GALNT17: variants seen among roughly 807,000 people sequenced by gnomAD.
GALNT17 encodes the protein UDP-GalNAc:polypeptide N-acetylgalactosaminyltransferase-like 3.
A neutral mutation model predicts 63.7 loss-of-function variants in GALNT17; 29 were observed. The ratio of observed to expected loss-of-function variants is 0.46; its 90% CI spans 0.34 to 0.62. The LOEUF (loss-of-function observed/expected upper bound fraction) is 0.62. Ranked by LOEUF, GALNT17 falls within the 20% of genes least tolerant of loss-of-function variation. The pLI, the probability that GALNT17 is intolerant of heterozygous loss-of-function variation, is 0.01. For missense variants in GALNT17, 603 were observed against 799.6 expected (o/e 0.75, Z 2.97); for synonymous variants, 305 against 318.3 (o/e 0.96, Z 0.45).
intron 9 of GALNT17, among the ~76,000 whole-genome samples, chr7:71,703,570 A>C (rs1791682414): frequency 6.6e-6 from 1 of 152,216 alleles, no homozygotes; most frequent in African/African-American, 2.4e-5. Flanking sequence ...TTTCAACATG[A>C]TATTTGGAGG....
At chr7:71,374,834 A>AATT (rs1792690996) in intron 2 of GALNT17, among the ~76,000 whole-genome samples, 1 of 109,654 alleles carries the variant, frequency 9.1e-6, no homozygotes, top group African/African-American at 3.6e-5. Context: ...CTTGAGGAGG[A>AATT]TTTTTTTTTT....
chr7:71,282,281 G>T (rs1470336624), intron 1 of GALNT17, among the ~76,000 whole-genome samples: 1 of 152,224 alleles, frequency 6.6e-6, no homozygotes, highest in East Asian at 1.9e-4. Context: ...TATTTCCAGT[G>T]CAGTTTAGCA....
In GALNT17 at chr7:71,306,408, A is replaced by G. The variant is rs749831128; in HGVS notation, c.239-29142A>G. Among the ~76,000 whole-genome samples, 12 of 151,532 alleles carry G rather than the reference A, an allele frequency of 7.9e-5. 1 individual carries two copies. Among genetic ancestry groups the G allele is most frequent in the East Asian group, 2.0e-4 (1 of 5,126 alleles). ...CAATAACTCCCCCTACCTGCTGTCA[A>G]CGCCCCCCACTATTCTTCTTTCTCT... On this transcript the variant is annotated intron_variant, in intron 1 of 10. Transcript: ENST00000333538.
chr7:71,349,196 C>A (rs1196807481), intron 2 of GALNT17, among the ~76,000 whole-genome samples: 1 of 152,214 alleles, frequency 6.6e-6, no homozygotes, highest in Admixed American at 6.5e-5. Flanking sequence ...AGTAAACATT[C>A]TCCAAGTGGC....
chr7:71,511,992 A>G (rs551485736), intron 5 of GALNT17, among the ~76,000 whole-genome samples: 1 of 148,774 alleles, frequency 6.7e-6, no homozygotes, highest in Non-Finnish European at 1.5e-5. Flanking sequence ...CCCTATGTCA[A>G]TGTACTAATT....
chr7:71,337,795 G>C (rs1791936176), intron 2 of GALNT17, among the ~76,000 whole-genome samples: 1 of 150,668 alleles, frequency 6.6e-6, no homozygotes, highest in African/African-American at 2.4e-5. Flanking sequence ...TTGAACCAGG[G>C]AGGCAGAGGT....
intron 5 of GALNT17, among the ~76,000 whole-genome samples, chr7:71,475,488 C>T (rs1282838799): frequency 1.3e-5 from 2 of 152,152 alleles, no homozygotes; most frequent in South Asian, 2.1e-4. Context: ...TTTCTGCGTC[C>T]ATAAGAATCT....
At chr7:71,391,288 C>T (rs1331316608) in intron 3 of GALNT17, among the ~76,000 whole-genome samples, 1 of 152,146 alleles carries the variant, frequency 6.6e-6, no homozygotes, top group Non-Finnish European at 1.5e-5. Context: ...GCACCCTCTC[C>T]TGAGGAAATC....
chr7:71,588,826 T>G (rs1419124578), intron 6 of GALNT17, among the ~76,000 whole-genome samples: 1 of 152,050 alleles, frequency 6.6e-6, no homozygotes, highest in Non-Finnish European at 1.5e-5. Flanking sequence ...ATTACTATTA[T>G]TGCTACAGCA....
intron 3 of GALNT17, among the ~76,000 whole-genome samples, chr7:71,399,741 G>A (rs1793207952): frequency 6.6e-6 from 1 of 152,116 alleles, no homozygotes; most frequent in Non-Finnish European, 1.5e-5. Context: ...GTCACATGAA[G>A]AGTATATGAA....
At chr7:71,667,838 C>T (rs1294279796) in intron 7 of GALNT17, among the ~76,000 whole-genome samples, 1 of 151,120 alleles carries the variant, frequency 6.6e-6, no homozygotes, top group African/African-American at 2.4e-5. Context: ...CTCACTCTGT[C>T]ACCCAGACTG....
intron 5 of GALNT17, among the ~76,000 whole-genome samples, chr7:71,555,667 A>G (rs62459954): frequency 0.035 from 5,281 of 151,964 alleles, 98 homozygotes; most frequent in Middle Eastern, 0.083. Context: ...TTAGAATCAA[A>G]TATGGATGTA....
At chr7:71,595,660 G>GACACAC (rs61389262) in intron 6 of GALNT17, among the ~76,000 whole-genome samples, 178 of 142,784 alleles carry the variant, frequency 1.2e-3, no homozygotes, top group African/African-American at 2.6e-3. Flanking sequence ...GAGAGACTGA[G>GACACAC]ACACACACAC....
At chr7:71,561,271 C>G (rs1001701122) in intron 5 of GALNT17, among the ~76,000 whole-genome samples, 2 of 152,146 alleles carry the variant, frequency 1.3e-5, no homozygotes, top group Non-Finnish European at 2.9e-5. Flanking sequence ...CTCGGCCTCC[C>G]AAAGTGCTGG....
At chr7:71,461,392 C>T (rs1373995009) in intron 5 of GALNT17, among the ~76,000 whole-genome samples, 1 of 152,152 alleles carries the variant, frequency 6.6e-6, no homozygotes, top group Non-Finnish European at 1.5e-5. Context: ...CAATTATTGA[C>T]CTACTGTACT....
intron 5 of GALNT17, among the ~76,000 whole-genome samples, chr7:71,461,879 T>A (rs1787456984): frequency 1.3e-5 from 2 of 152,344 alleles, no homozygotes; most frequent in Middle Eastern, 3.4e-3. Context: ...ATGTAATTGC[T>A]ATCAACTTGC....
intron 3 of GALNT17, among the ~76,000 whole-genome samples, chr7:71,412,670 T>C (rs186099268): frequency 6.6e-6 from 1 of 152,334 alleles, no homozygotes. Context: ...TACCCCAGAA[T>C]GTCCTCTGGC....
intron 6 of GALNT17, among the ~76,000 whole-genome samples, chr7:71,601,026 C>T (rs971174320): frequency 1.8e-4 from 27 of 152,048 alleles, no homozygotes; most frequent in African/African-American, 5.8e-4. Flanking sequence ...GTTTTCCGTT[C>T]GTGAGTTACT....
intron 1 of GALNT17, among the ~76,000 whole-genome samples, chr7:71,183,771 G>T (rs1466012649): frequency 6.6e-6 from 1 of 152,046 alleles, no homozygotes; most frequent in African/African-American, 2.4e-5. Flanking sequence ...GATGGCGGGT[G>T]CCTGTAATCC....
Sources: gnomAD v4.1 joint callset for allele counts (sites outside exome capture counted in the v4.1 genomes callset) on GRCh38, gnomAD v4.1.1 for gene constraint, MANE v1.5 for transcripts, NCBI Gene and HGNC (gene_info 2026-07-23, HGNC 2026-07-21) for gene names.